NTN1: variants seen among roughly 807,000 people sequenced by gnomAD.
The protein encoded by NTN1 is netrin 1.
NTN1 carries 11 observed loss-of-function variants against 54.2 expected under a neutral mutation model. The ratio of observed to expected loss-of-function variants is 0.20; its 90% CI spans 0.13 to 0.34. The LOEUF (loss-of-function observed/expected upper bound fraction) is 0.34. NTN1 is among the 10% of genes least tolerant of loss of function. The probability of loss-of-function intolerance (pLI) is 1.00; values close to 1 mark genes in which losing one functional copy is unlikely to be tolerated. For missense variants in NTN1, 740 were observed against 893.1 expected (o/e 0.83, Z 2.18); for synonymous variants, 371 against 382.0 (o/e 0.97, Z 0.33).
At chr17:9,226,540 G>A (rs62068244) in intron 6 of NTN1, among the ~76,000 whole-genome samples, 23,627 of 97,438 alleles carry the variant, frequency 0.24, 2,676 homozygotes, top group Non-Finnish European at 0.28. Context: ...AGGCGGTCTC[G>A]TGGGGAGGCT....
intron 2 of NTN1, among the ~76,000 whole-genome samples, chr17:9,047,245 A>G (rs533002624): frequency 1.3e-5 from 2 of 152,200 alleles, no homozygotes; most frequent in East Asian, 3.9e-4. Context: ...TGCCACATCA[A>G]CTCACTCTTC....
At chr17:9,057,293 G>A (rs2091982484) in intron 2 of NTN1, among the ~76,000 whole-genome samples, 1 of 152,062 alleles carries the variant, frequency 6.6e-6, no homozygotes, top group Admixed American at 6.6e-5. Flanking sequence ...CACTGAATTT[G>A]CTGTACAAAC....
At chr17:9,029,384 C>T (rs1200356599) in intron 2 of NTN1, among the ~76,000 whole-genome samples, 3 of 152,178 alleles carry the variant, frequency 2.0e-5, no homozygotes, top group Admixed American at 6.5e-5. Flanking sequence ...GGGCACGTCT[C>T]GGCTTATTCT....
chr17:9,179,645 CAG>C lies in NTN1; in HGVS notation c.1208-159_1208-158del, dbSNP rs530789552. ...TTCCAGGTAGGTGGGTGGCCAGTGT[CAG>C]AGCTTCCGGAGTGCGTTTGGGCTTG... On this transcript the variant is annotated intron_variant, in intron 3 of 6. Coordinates refer to ENST00000173229, the MANE Select transcript of NTN1 (RefSeq NM_004822.3). 3.3e-5 allele frequency among the ~76,000 whole-genome samples: 5 copies of C among 152,298 alleles called. No homozygotes were observed. The South Asian group carries it at 1.0e-3, about 32-fold the overall frequency.
At chr17:9,033,917 C>CAAAAAAAAAAAAAAA in intron 2 of NTN1, among the ~76,000 whole-genome samples, 1 of 106,474 alleles carries the variant, frequency 9.4e-6, no homozygotes, top group Non-Finnish European at 1.9e-5. Flanking sequence ...AACTCTGTCT[C>CAAAAAAAAAAAAAAA]AAAAAAAAAA....
Position 9,022,834 on chromosome 17 carries a change from C to G in NTN1, c.461C>G (p.Pro154Arg). The G allele has an allele frequency of 6.2e-7, 1 of 1,611,116 alleles. No individual in the cohort carries two copies. Among genetic ancestry groups the G allele is most frequent in the South Asian group, 1.1e-5 (1 of 90,852 alleles). ...VTYVSLQFCS[P>R]RPESMAIYKS... ...TACGTGAGCCTGCAGTTCTGCTCGC[C>G]GCGGCCCGAGTCCATGGCCATCTAC... is the stretch of plus-strand genomic sequence containing the variant. The change falls in exon 2 of 7, where the codon CCG (proline) becomes CGG (arginine). Residue 154 changes from proline (P) to arginine (R), a missense_variant. Physicochemically the swap from Pro to Arg is moderately radical, Grantham distance 103. Transcript: ENST00000173229.
At chr17:9,183,456 C>T (rs1313091009) in intron 5 of NTN1, 1 of 392,216 alleles carries the variant, frequency 2.5e-6, no homozygotes, top group Admixed American at 3.3e-5. Flanking sequence ...GCATTTCCTC[C>T]ATGGCAAAGA....
intron 2 of NTN1, among the ~76,000 whole-genome samples, chr17:9,047,829 G>A (rs1253651518): frequency 6.6e-6 from 1 of 152,032 alleles, no homozygotes; most frequent in African/African-American, 2.4e-5. Context: ...CAAGTAGCTG[G>A]GATTACAGGC....
At chr17:9,186,020 G>A (rs927573608) in intron 5 of NTN1, among the ~76,000 whole-genome samples, 1 of 151,778 alleles carries the variant, frequency 6.6e-6, no homozygotes, top group Non-Finnish European at 1.5e-5. Flanking sequence ...TCCTGCTGGG[G>A]TTTCCTCTTC....
At chr17:9,225,704 C>A (rs1905511665) in intron 6 of NTN1, among the ~76,000 whole-genome samples, 2 of 147,942 alleles carry the variant, frequency 1.4e-5, no homozygotes, top group African/African-American at 5.3e-5. Context: ...GCAGGGGAGG[C>A]CGCCAAACCG....
chr17:9,180,699 A>G (rs1379767845), intron 4 of NTN1, among the ~76,000 whole-genome samples: 1 of 152,190 alleles, frequency 6.6e-6, no homozygotes, highest in Non-Finnish European at 1.5e-5. Flanking sequence ...GGAGCTGGGC[A>G]GGGCTTCCAT....
intron 3 of NTN1, chr17:9,170,920 T>TG (rs11462416): frequency 0.79 from 120,427 of 151,994 alleles, 47,978 homozygotes; most frequent in East Asian, 1. Context: ...GCAAGACCTG[T>TG]CTTTTCTCCT....
intron 2 of NTN1, among the ~76,000 whole-genome samples, chr17:9,028,039 C>T (rs1459648515): frequency 4.6e-5 from 7 of 151,556 alleles, no homozygotes; most frequent in Admixed American, 4.6e-4. Flanking sequence ...GCAGGAGAAT[C>T]GCTTGAACCT....
At chr17:9,065,456 G>A (rs1239669334) in intron 2 of NTN1, among the ~76,000 whole-genome samples, 2 of 152,184 alleles carry the variant, frequency 1.3e-5, no homozygotes, top group Non-Finnish European at 2.9e-5. Context: ...TTGCCTTGCT[G>A]AGACAGGCTT....
At chr17:9,080,496 G>A (rs1445343181) in intron 2 of NTN1, among the ~76,000 whole-genome samples, 2 of 152,224 alleles carry the variant, frequency 1.3e-5, no homozygotes, top group Admixed American at 6.5e-5. Context: ...GTAATATTGC[G>A]AAATGTATAT....
At chr17:9,195,307 T>C (rs1370671695) in intron 5 of NTN1, among the ~76,000 whole-genome samples, 1 of 151,758 alleles carries the variant, frequency 6.6e-6, no homozygotes, top group African/African-American at 2.4e-5. Context: ...CCTTTGCAGG[T>C]GGAGCTGCCA....
Position 9,221,141 on chromosome 17 carries a change from C to A in NTN1, c.1412-27C>A. ...CATCGCCAGCCTAATTAGTTTTTGT[C>A]TGTGCTCCCCCCCCACCCCCCTGCA... On this transcript the variant is annotated intron_variant, in intron 5 of 6. Coordinates refer to ENST00000173229, the MANE Select transcript of NTN1 (RefSeq NM_004822.3). The surrounding 1 kb of genome is among the most constrained non-coding windows in gnomAD (Gnocchi z 4.5). 1 of 1,514,698 alleles carries A rather than the reference C, an allele frequency of 6.6e-7. No individual in the cohort carries two copies. The highest frequency in any genetic ancestry group is 9.1e-7 in the Non-Finnish European group (1 of 1,099,416). The allele number at this position is 1,514,698 out of a possible 1,614,324, so 93.8% of individuals were successfully genotyped here. A position where few individuals can be genotyped will look rare whatever the true frequency, so the allele number is the denominator to read the frequency against.
chr17:9,091,880 C>A (rs564590094), intron 2 of NTN1, among the ~76,000 whole-genome samples: 1 of 152,260 alleles, frequency 6.6e-6, no homozygotes, highest in African/African-American at 2.4e-5. Flanking sequence ...TTCTTCCTGC[C>A]CCAGACTCTG....
At chr17:9,127,347 G>T (rs981688594) in intron 2 of NTN1, among the ~76,000 whole-genome samples, 1 of 152,136 alleles carries the variant, frequency 6.6e-6, no homozygotes, top group Non-Finnish European at 1.5e-5. Flanking sequence ...AACTAGGTGG[G>T]TTGTTTGTGG....
Sources: allele counts gnomAD v4.1 joint callset (sites outside exome capture counted in the v4.1 genomes callset), GRCh38; gene constraint gnomAD v4.1.1; non-coding constraint Gnocchi (gnomAD v3.1); transcripts MANE v1.5; gene names NCBI Gene and HGNC (gene_info 2026-07-23, HGNC 2026-07-21).